Variants in CSMD2 observed in about 807,000 individuals in gnomAD.
CSMD2 encodes the protein CUB and Sushi multiple domains 2.
CSMD2 carries 130 observed loss-of-function variants against 398.5 expected under a neutral mutation model. The observed-to-expected ratio is 0.33, with a 90% confidence interval of 0.28 to 0.38. The LOEUF is 0.38. Ranked by LOEUF, CSMD2 falls within the 10% of genes least tolerant of loss-of-function variation. The probability of loss-of-function intolerance (pLI) is 1.00; values close to 1 mark genes in which losing one functional copy is unlikely to be tolerated. For synonymous variants in CSMD2, 1,828 were observed against 1,908.5 expected, an observed-to-expected ratio of 0.96 and a Z score of 1.10; for missense variants, 3,829 against 4,764.9, an observed-to-expected ratio of 0.80 and a Z score of 5.78.
chr1:33,822,979 C>T (rs1157209323), intron 7 of CSMD2, among the ~76,000 whole-genome samples: 5 of 152,214 alleles, frequency 3.3e-5, no homozygotes, highest in South Asian at 4.1e-4. Context: ...CCTTGCAGCA[C>T]GTGAAGAACA....
At chr1:33,826,832 T>A (rs1658880407) in intron 6 of CSMD2, among the ~76,000 whole-genome samples, 1 of 152,176 alleles carries the variant, frequency 6.6e-6, no homozygotes, top group African/African-American at 2.4e-5. Flanking sequence ...AGCTGTTTAA[T>A]CCCAGCTACC....
At chr1:33,904,526 T>C (rs1486380484) in intron 5 of CSMD2, among the ~76,000 whole-genome samples, 1 of 152,224 alleles carries the variant, frequency 6.6e-6, no homozygotes, top group Non-Finnish European at 1.5e-5. Context: ...TCTTCTTTAA[T>C]GGGCATGGAG....
intron 3 of CSMD2, among the ~76,000 whole-genome samples, chr1:33,977,323 A>G (rs555598601): frequency 2.5e-4 from 38 of 151,954 alleles, no homozygotes; most frequent in Non-Finnish European, 4.9e-4. Context: ...ATTCAACCTC[A>G]TGAATGTTCA....
chr1:33,796,853 A>G (rs1366676287), intron 10 of CSMD2, among the ~76,000 whole-genome samples: 1 of 152,148 alleles, frequency 6.6e-6, no homozygotes, highest in African/African-American at 2.4e-5. Context: ...GACCCTGGGA[A>G]AGGAATGCAT....
At chr1:33,740,647 T>C (rs750195446) in intron 14 of CSMD2, among the ~76,000 whole-genome samples, 3 of 151,920 alleles carry the variant, frequency 2.0e-5, no homozygotes, top group Non-Finnish European at 4.4e-5. Context: ...CAGACTTGAG[T>C]CTCCCAACCT....
At chr1:33,772,255 A>C in intron 13 of CSMD2, 1 of 232,778 alleles carries the variant, frequency 4.3e-6, no homozygotes, top group Non-Finnish European at 8.3e-6. Flanking sequence ...GTGAGCAGGA[A>C]ATGTCTGGGT....
intron 24 of CSMD2, among the ~76,000 whole-genome samples, chr1:33,693,396 G>A (rs976706520): frequency 1.3e-5 from 2 of 152,174 alleles, no homozygotes; most frequent in African/African-American, 4.8e-5. Context: ...AACTCACAAT[G>A]AGATATCACT....
intron 2 of CSMD2, among the ~76,000 whole-genome samples, chr1:34,055,798 G>T (rs1164613882): frequency 6.6e-6 from 1 of 152,114 alleles, no homozygotes; most frequent in Non-Finnish European, 1.5e-5. Context: ...TAAATCATAG[G>T]CCAGTGGTGA....
At chr1:33,908,242 A>G (rs1367592363) in intron 5 of CSMD2, among the ~76,000 whole-genome samples, 1 of 152,190 alleles carries the variant, frequency 6.6e-6, no homozygotes. Context: ...TTAAGCTGAG[A>G]GTGAGTGGAA....
At chr1:33,746,326 C>T (rs900409304) in intron 13 of CSMD2, among the ~76,000 whole-genome samples, 1 of 152,126 alleles carries the variant, frequency 6.6e-6, no homozygotes, top group African/African-American at 2.4e-5. Flanking sequence ...AGTCACAGGG[C>T]CTGCTGAGCA....
chr1:34,105,015 C>A (rs1442616516), intron 1 of CSMD2, among the ~76,000 whole-genome samples: 1 of 152,208 alleles, frequency 6.6e-6, no homozygotes, highest in Non-Finnish European at 1.5e-5. Flanking sequence ...CTCTAAGGAG[C>A]CTCCTCTAGT....
chr1:33,821,052 T>C (rs780493680), intron 7 of CSMD2, among the ~76,000 whole-genome samples: 1 of 152,140 alleles, frequency 6.6e-6, no homozygotes, highest in Non-Finnish European at 1.5e-5. Context: ...GCAGTCAAAG[T>C]TCAAAGCTGG....
intron 3 of CSMD2, among the ~76,000 whole-genome samples, chr1:33,994,823 TG>T (rs1049570152): frequency 2.6e-4 from 40 of 152,192 alleles, no homozygotes; most frequent in African/African-American, 9.6e-4. Flanking sequence ...CCCAGCACTT[TG>T]GGAGGCCGAG....
At chr1:34,042,690 G>A (rs1295974527) in intron 2 of CSMD2, among the ~76,000 whole-genome samples, 4 of 152,224 alleles carry the variant, frequency 2.6e-5, no homozygotes, top group Non-Finnish European at 4.4e-5. Flanking sequence ...GGCTCTCTGG[G>A]TGACGTGGCC....
At chr1:33,879,739 G>A (rs1291683891) in intron 5 of CSMD2, among the ~76,000 whole-genome samples, 1 of 152,158 alleles carries the variant, frequency 6.6e-6, no homozygotes, top group East Asian at 1.9e-4. Context: ...ACTACTAACT[G>A]TATGAACTTG....
intron 10 of CSMD2, among the ~76,000 whole-genome samples, chr1:33,807,799 G>T (rs1656393980): frequency 6.6e-6 from 1 of 152,122 alleles, no homozygotes; most frequent in African/African-American, 2.4e-5. Context: ...GAATAGAAAT[G>T]ATTGTATAAT....
chr1:33,878,656 T>G (rs1408442869), intron 5 of CSMD2, among the ~76,000 whole-genome samples: 1 of 152,182 alleles, frequency 6.6e-6, no homozygotes, highest in East Asian at 1.9e-4. Context: ...GGCCAAACTC[T>G]CTGTGTCCGA....
chr1:33,685,930 T>A (rs1285066332), intron 25 of CSMD2, among the ~76,000 whole-genome samples: 1 of 152,226 alleles, frequency 6.6e-6, no homozygotes, highest in Non-Finnish European at 1.5e-5. Flanking sequence ...ACAGAGCAGG[T>A]AATCATTGCA....
intron 3 of CSMD2, among the ~76,000 whole-genome samples, chr1:33,937,380 A>G (rs1317726917): frequency 6.6e-6 from 1 of 152,186 alleles, no homozygotes; most frequent in African/African-American, 2.4e-5. Flanking sequence ...AGCAAACAGC[A>G]TGTGCAAAGG....
Sources: gnomAD v4.1 joint callset for allele counts (sites outside exome capture counted in the v4.1 genomes callset) on GRCh38, gnomAD v4.1.1 for gene constraint, MANE v1.5 for transcripts, NCBI Gene and HGNC (gene_info 2026-07-23, HGNC 2026-07-21) for gene names.